CAMSAP2: variants seen among roughly 807,000 people sequenced by gnomAD.
CAMSAP2 encodes calmodulin regulated spectrin associated protein family member 2, also known as calmodulin-regulated spectrin-associated protein 2.
In CAMSAP2, 26 loss-of-function variants were observed where a neutral mutation model predicts 146.1. The observed-to-expected ratio is 0.18, with a 90% confidence interval of 0.13 to 0.25. The LOEUF (loss-of-function observed/expected upper bound fraction) is 0.25, where lower values mean the gene tolerates loss of function less well. Among genes scored for constraint, CAMSAP2 ranks in the 10% least tolerant of loss-of-function variants. The pLI, the probability that CAMSAP2 is intolerant of heterozygous loss-of-function variation, is 1.00. For missense variants in CAMSAP2, 1,381 were observed against 1,759.3 expected (o/e 0.78, Z 3.85); for synonymous variants, 499 against 596.6 (o/e 0.84, Z 2.38).
At chr1:200,794,670 G>A (rs1665836783) in intron 2 of CAMSAP2, among the ~76,000 whole-genome samples, 1 of 152,206 alleles carries the variant, frequency 6.6e-6, no homozygotes. Context: ...CTTGGCTAGG[G>A]TCAAGTTGTA....
rs140795670 is a variant in CAMSAP2 at position 200,792,172 on chromosome 1, A to G, written c.400-15204A>G. Among the ~76,000 whole-genome samples, 8 of 152,306 alleles carry G rather than the reference A, an allele frequency of 5.3e-5. No homozygotes were observed. The East Asian group carries it at 1.5e-3, about 29-fold the overall frequency. On this transcript the variant is annotated intron_variant, in intron 2 of 16. Coordinates refer to ENST00000358823, the MANE Select transcript of CAMSAP2 (RefSeq NM_203459.4). ...TATTTGAGGTAATCCTAAAAACATT[A>G]ATGAGATAGTTTTGTTGAATGTTCA...
At chr1:200,830,708 A>G (rs1387733977) in intron 4 of CAMSAP2, among the ~76,000 whole-genome samples, 7 of 152,224 alleles carry the variant, frequency 4.6e-5, no homozygotes, top group Admixed American at 3.3e-4. Flanking sequence ...TCTAAGAATT[A>G]TGTTAAAATC....
chr1:200,857,285 G>C lies in CAMSAP2; in HGVS notation c.4013-21G>C. Reference sequence around the variant, plus strand: ...ACTTAGGAATGTTATTTTTATTATTGTTGTTAAATCCCTACCATAGGACCA... The same window carrying C: ...ACTTAGGAATGTTATTTTTATTATTCTTGTTAAATCCCTACCATAGGACCA... On this transcript the variant is annotated intron_variant, in intron 15 of 16. Transcript: ENST00000358823. The surrounding 1 kb of genome is among the most constrained non-coding windows in gnomAD (Gnocchi z 4.7). 1 of 1,389,154 alleles carries C rather than the reference G, an allele frequency of 7.2e-7. No homozygotes were observed. The highest frequency in any genetic ancestry group is 2.3e-5 in the East Asian group (1 of 43,718). 86.1% of individuals were successfully genotyped at this position (1,389,154 alleles called of 1,614,324 possible). A position where few individuals can be genotyped will look rare whatever the true frequency, so the allele number is the denominator to read the frequency against.
chr1:200,857,456 C>G lies in CAMSAP2; in HGVS notation c.4131+32C>G, dbSNP rs762226927. 1.5e-5 allele frequency: 21 copies of G among 1,445,776 alleles called. No individual in the cohort carries two copies. The highest frequency in any genetic ancestry group is 1.9e-5 in the Non-Finnish European group (20 of 1,027,718). 89.6% of individuals were successfully genotyped at this position (1,445,776 alleles called of 1,614,324 possible). On this transcript the variant is annotated intron_variant, in intron 16 of 16. Coordinates refer to ENST00000358823, the MANE Select transcript of CAMSAP2 (RefSeq NM_203459.4). This position sits in a 1 kb window ranked among gnomAD's most constrained non-coding sequence, Gnocchi z 4.7. ...ATGTTTGCATGAAAATTAAATTTGG[C>G]AAACTGTAGAAGTCTTTTATCCATT... is the stretch of plus-strand genomic sequence containing the variant.
intron 1 of CAMSAP2, among the ~76,000 whole-genome samples, chr1:200,740,408 A>G (rs1032431408): frequency 4.6e-5 from 7 of 152,080 alleles, no homozygotes; most frequent in African/African-American, 9.7e-5. Context: ...ATTTGTAATG[A>G]TGGCTGCTAT....
rs67551824 is a variant in CAMSAP2, at chr1:200,853,000, T to TACACAC, written c.3603-250_3603-245dup. Reference sequence around the variant, plus strand: ...ACATTAAAATAACTTTCCTGGGAGATACACACACACACACACACACACACA... The same window carrying TACACAC: ...ACATTAAAATAACTTTCCTGGGAGATACACACACACACACACACACACACACACACA... On this transcript the variant is annotated intron_variant, in intron 12 of 16. Coordinates refer to ENST00000358823, the MANE Select transcript of CAMSAP2 (RefSeq NM_203459.4). 6.1e-3 allele frequency among the ~76,000 whole-genome samples: 907 copies of TACACAC among 147,582 alleles called. 1 individual carries two copies. The highest frequency in any genetic ancestry group is 9.5e-3 in the African/African-American group (389 of 40,796).
At chr1:200,839,582 A>G (rs983054778) in intron 6 of CAMSAP2, among the ~76,000 whole-genome samples, 1 of 152,168 alleles carries the variant, frequency 6.6e-6, no homozygotes, top group Non-Finnish European at 1.5e-5. Flanking sequence ...CCATTATTCT[A>G]AGTGAAGTAA....
chr1:200,793,369 GT>G (rs1041742923), intron 2 of CAMSAP2, among the ~76,000 whole-genome samples: 72 of 151,932 alleles, frequency 4.7e-4, no homozygotes, highest in Non-Finnish European at 4.4e-4. Flanking sequence ...TTTCTAGGGT[GT>G]TTTTTTAATG....
At chr1:200,823,850 A>T (rs377728623) in intron 4 of CAMSAP2, among the ~76,000 whole-genome samples, 2 of 152,222 alleles carry the variant, frequency 1.3e-5, no homozygotes, top group South Asian at 4.1e-4. Context: ...TTCTGTAAGG[A>T]AGATTTGTGT....
At chr1:200,759,330 A>G (rs1375585466) in intron 1 of CAMSAP2, among the ~76,000 whole-genome samples, 7 of 139,736 alleles carry the variant, frequency 5.0e-5, no homozygotes, top group Middle Eastern at 9.7e-3. Flanking sequence ...CCCAAGCTGG[A>G]GTGCAATGGC....
chr1:200,752,650 C>T (rs1439232122), intron 1 of CAMSAP2, among the ~76,000 whole-genome samples: 3 of 150,124 alleles, frequency 2.0e-5, no homozygotes, highest in Admixed American at 6.6e-5. Flanking sequence ...TGGAGTCTCG[C>T]TCTGTCGCCC....
In CAMSAP2 at chr1:200,761,044, T is replaced by C; in HGVS notation, c.345T>C (p.Thr115=). The C allele has an allele frequency of 6.2e-7, 1 of 1,614,006 alleles. No individual in the cohort carries two copies. The stretch of plus-strand genomic sequence containing the variant: ...TAGCACAGAAAGGTCTTTATGTCAC[T>C]GACCAGGAAAAATTGGTAACTGAAC... ...QALAQKGLYV[T]DQEKLVTERD... Residue 115 remains threonine, a synonymous_variant, in exon 2 of 17, where the codon ACT becomes ACC. Coordinates refer to ENST00000358823, the MANE Select transcript of CAMSAP2 (RefSeq NM_203459.4).
At chr1:200,806,765 GTATCTATCTATC>G (rs149381434) in intron 2 of CAMSAP2, among the ~76,000 whole-genome samples, 26,936 of 139,976 alleles carry the variant, frequency 0.19, 3,087 homozygotes, top group Non-Finnish European at 0.27. Flanking sequence ...GTGTGTGTGT[GTATCTATCTATC>G]TATCTATCTA....
chr1:200,773,353 A>G (rs775171794), intron 2 of CAMSAP2, among the ~76,000 whole-genome samples: 3 of 152,140 alleles, frequency 2.0e-5, no homozygotes, highest in Non-Finnish European at 4.4e-5. Context: ...TCCCAGGTTC[A>G]GGTGATTCTC....
chr1:200,747,841 G>A (rs761786724), intron 1 of CAMSAP2, among the ~76,000 whole-genome samples: 49 of 152,182 alleles, frequency 3.2e-4, no homozygotes, highest in Non-Finnish European at 2.5e-4. Context: ...CAAAAAATTA[G>A]CCGGGCGTAG....
intron 2 of CAMSAP2, among the ~76,000 whole-genome samples, chr1:200,799,966 A>T (rs1665992344): frequency 2.0e-5 from 3 of 152,160 alleles, no homozygotes; most frequent in Non-Finnish European, 2.9e-5. Flanking sequence ...GTTTCCATGT[A>T]GTTTAGCGGT....
In CAMSAP2 at chr1:200,815,632, A is replaced by T; in HGVS notation, c.633A>T (p.Pro211=). The change falls in exon 4 of 17, where the codon CCA becomes CCT. Residue 211 remains proline (P), a synonymous_variant. Transcript: ENST00000358823. ...AAGAACATCACACAGTTGAAGCTCC[A>T]GGAGGTCAAAAGGTATTTATTTCAA... ...KLKEHHTVEA[P]GGQKARYRKE... The T allele has an allele frequency of 3.2e-6, 5 of 1,564,852 alleles. No individual in the cohort carries two copies. The highest frequency in any genetic ancestry group is 4.3e-6 in the Non-Finnish European group (5 of 1,156,620).
intron 15 of CAMSAP2, among the ~76,000 whole-genome samples, chr1:200,856,419 C>A (rs1315211684): frequency 6.6e-6 from 1 of 152,170 alleles, no homozygotes; most frequent in East Asian, 1.9e-4. Flanking sequence ...AGGCTAGAAT[C>A]CACCAAGTCC....
chr1:200,849,060 T>C lies in CAMSAP2; in HGVS notation c.2291T>C (p.Ile764Thr). 1.2e-6 allele frequency: 2 copies of C among 1,613,984 alleles called. No individual in the cohort carries two copies. Among genetic ancestry groups the C allele is most frequent in the Non-Finnish European group, 1.7e-6 (2 of 1,179,980 alleles). The change falls in exon 11 of 17, where the codon ATA becomes ACA. Residue 764 changes from isoleucine to threonine, a missense_variant. Ile to Thr is a moderately conservative substitution (Grantham distance 89, BLOSUM62 -1). Around this residue, in one of 4 missense-constraint regions of CAMSAP2, gnomAD observed 560 missense variants for 715.9 expected, o/e 0.78. Coordinates refer to ENST00000358823, the MANE Select transcript of CAMSAP2 (RefSeq NM_203459.4). This position sits in a 1 kb window ranked among gnomAD's most constrained non-coding sequence, Gnocchi z 6.3. Reference sequence around the variant, plus strand: ...AAACTAGAAGAAAAGAGGCGTGCTATAGAAGCCCAGAAAAAGAAAATGGAA... The same window carrying C: ...AAACTAGAAGAAAAGAGGCGTGCTACAGAAGCCCAGAAAAAGAAAATGGAA... ...RMKLEEKRRA[I>T]EAQKKKMEAA...
Sources: gnomAD v4.1 joint callset for allele counts (sites outside exome capture counted in the v4.1 genomes callset) on GRCh38, gnomAD v4.1.1 for gene constraint, gnomAD v4.1.1 regional missense constraint, Gnocchi (gnomAD v3.1) non-coding constraint, MANE v1.5 for transcripts, NCBI Gene and HGNC (gene_info 2026-07-23, HGNC 2026-07-21) for gene names.